Variants in DHX15 observed in about 807,000 individuals in gnomAD.
DHX15 encodes ATP-dependent RNA helicase DHX15.
Under a neutral mutation model 94.4 loss-of-function variants are expected in DHX15, and 11 were observed. The ratio of observed to expected loss-of-function variants is 0.12; its 90% CI spans 0.07 to 0.19. DHX15 has a LOEUF of 0.19. Among genes scored for constraint, DHX15 ranks in the 10% least tolerant of loss-of-function variants. The pLI is 1.00. For missense variants in DHX15, 304 were observed against 988.5 expected (o/e 0.31, Z 9.29); for synonymous variants, 338 against 329.9 (o/e 1.02, Z -0.27).
chr4:24,576,534 A>G lies in DHX15; in HGVS notation c.216T>C (p.Ala72=). Residue 72 remains alanine (A), a synonymous_variant, in exon 2 of 14, where the codon GCT becomes GCC. Coordinates refer to ENST00000336812, the MANE Select transcript of DHX15 (RefSeq NM_001358.3). ...RASTNAMLIS[A]GLPPLKASHS... is the part of the protein sequence containing the mutation. ...GGGAAGCTTTCAAAGGTGGTAATCC[A>G]GCACTGATAAGCATAGCATTTGTTG... 1 of 1,614,194 alleles carries G rather than the reference A, an allele frequency of 6.2e-7. No homozygotes were observed. The highest frequency in any genetic ancestry group is 8.5e-7 in the Non-Finnish European group (1 of 1,180,036).
At chr4:24,528,600 G>A (rs1321217276) in intron 13 of DHX15, among the ~76,000 whole-genome samples, 2 of 152,144 alleles carry the variant, frequency 1.3e-5, no homozygotes, top group Non-Finnish European at 2.9e-5. Context: ...TAAGAAAGCA[G>A]CTGCACAATA....
intron 6 of DHX15, among the ~76,000 whole-genome samples, chr4:24,545,641 C>T (rs527954660): frequency 6.6e-5 from 10 of 152,246 alleles, no homozygotes; most frequent in Middle Eastern, 3.4e-3. Flanking sequence ...AATGCAAAAG[C>T]GAACTAATAA....
chr4:24,536,939 G>T, intron 11 of DHX15, 112 bp downstream of exon 11: 1 of 1,251,532 alleles, frequency 8.0e-7, no homozygotes, highest in Non-Finnish European at 1.1e-6. Flanking sequence ...AAGTACCTCT[G>T]GGTTTCTAAT....
chr4:24,528,683 T>C (rs1050482188), intron 13 of DHX15, among the ~76,000 whole-genome samples: 10 of 152,180 alleles, frequency 6.6e-5, no homozygotes, highest in African/African-American at 2.4e-4. Flanking sequence ...TGTCATAGGT[T>C]ATAGAATAGA....
chr4:24,561,923 A>T (rs2109412401), intron 3 of DHX15, among the ~76,000 whole-genome samples: 1 of 152,240 alleles, frequency 6.6e-6, no homozygotes, highest in African/African-American at 2.4e-5. Context: ...TTGAGGTCAA[A>T]GTTCAAGACC....
intron 6 of DHX15, 118 bp from the exon 7 acceptor site, chr4:24,543,144 G>A (rs1721352612): frequency 1.5e-6 from 1 of 658,842 alleles, no homozygotes; most frequent in Non-Finnish European, 2.5e-6. Context: ...AAATAAACTA[G>A]AAATATCATT....
chr4:24,536,771 G>A (rs751981865), intron 11 of DHX15, among the ~76,000 whole-genome samples: 9 of 152,028 alleles, frequency 5.9e-5, no homozygotes, highest in Non-Finnish European at 8.8e-5. Context: ...ATATAAAAAC[G>A]TGTATGTTAG....
chr4:24,550,822 CATT>C (rs761736464), intron 5 of DHX15, among the ~76,000 whole-genome samples: 4 of 152,170 alleles, frequency 2.6e-5, no homozygotes, highest in Admixed American at 6.5e-5. Flanking sequence ...GTCCTATTAT[CATT>C]ATTATTATGT....
At position 24,554,796 on chromosome 4, in the gene DHX15, G is replaced by T; in HGVS notation, c.1009C>A (p.Arg337=). The T allele has an allele frequency of 6.2e-7, 1 of 1,613,730 alleles. No individual in the cohort carries two copies. The change falls in exon 5 of 14, where the codon CGA becomes AGA. Residue 337 remains arginine (R), a synonymous_variant. Coordinates refer to ENST00000336812, the MANE Select transcript of DHX15 (RefSeq NM_001358.3). ...PERDYLEAAI[R]TVIQIHMCEE... ...CACATATGAATCTGGATAACTGTTC[G>T]AATTGCTGCTTCAAGATAATCTCTC...
At chr4:24,532,836 G>T in intron 12 of DHX15, 28 bp downstream of exon 12, 2 of 1,477,318 alleles carry the variant, frequency 1.4e-6, no homozygotes, top group Non-Finnish European at 1.8e-6. Flanking sequence ...TGAATACTTA[G>T]TTATTCATTC....
chr4:24,559,127 C>T (rs1441718970), intron 3 of DHX15, among the ~76,000 whole-genome samples: 4 of 151,940 alleles, frequency 2.6e-5, no homozygotes, highest in Non-Finnish European at 5.9e-5. Context: ...AGTATCCTTA[C>T]AAAATGTAAA....
At chr4:24,530,235 C>A (rs1270930894) in intron 12 of DHX15, 7 of 187,324 alleles carry the variant, frequency 3.7e-5, no homozygotes, top group African/African-American at 1.7e-4. Flanking sequence ...CCATCTAGAG[C>A]AGGCTCTTCA....
intron 5 of DHX15, among the ~76,000 whole-genome samples, chr4:24,549,247 A>C (rs2109402700): frequency 6.6e-6 from 1 of 152,288 alleles, no homozygotes; most frequent in East Asian, 1.9e-4. Flanking sequence ...TAACTGCCTT[A>C]TTTGCATTCC....
At chr4:24,574,041 CA>C (rs10567935) in intron 2 of DHX15, among the ~76,000 whole-genome samples, 36,738 of 127,576 alleles carry the variant, frequency 0.29, 5,073 homozygotes, top group Non-Finnish European at 0.34. Flanking sequence ...ATTAAAAATA[CA>C]AAAAAAAAAA....
intron 8 of DHX15, among the ~76,000 whole-genome samples, chr4:24,541,511 G>T (rs917275316): frequency 1.3e-5 from 2 of 151,970 alleles, no homozygotes; most frequent in African/African-American, 4.8e-5. Flanking sequence ...CTGAAAGTTA[G>T]TAAGGAAAGA....
At position 24,535,589 on chromosome 4, in the gene DHX15, A is replaced by G. The variant is rs1343777435; in HGVS notation, c.1909+1462T>C. Among the ~76,000 whole-genome samples, 6 of 152,086 alleles carry G rather than the reference A, an allele frequency of 3.9e-5. No homozygotes were observed. The South Asian group carries it at 1.2e-3, about 31-fold the overall frequency. On this transcript the variant is annotated intron_variant, in intron 11 of 13. Coordinates refer to ENST00000336812, the MANE Select transcript of DHX15 (RefSeq NM_001358.3). Reference sequence around the variant, plus strand: ...TGGTTTCATAACCACATTTCCCTTAACTCTCATATCTGCCCCCAAGTTTTC... The same window carrying G: ...TGGTTTCATAACCACATTTCCCTTAGCTCTCATATCTGCCCCCAAGTTTTC...
chr4:24,550,111 A>AAAAAAAC (rs1721558581), intron 5 of DHX15, among the ~76,000 whole-genome samples: 7 of 147,012 alleles, frequency 4.8e-5, no homozygotes, highest in African/African-American at 1.7e-4. Context: ...AAAAAAAAAA[A>AAAAAAAC]AAAAAAAAAA....
chr4:24,540,329 G>A (rs1305128344), intron 9 of DHX15, 30 bp from the exon 10 acceptor site: 17 of 1,567,778 alleles, frequency 1.1e-5, no homozygotes, highest in East Asian at 6.8e-5. Flanking sequence ...TATTAGACAC[G>A]GTGCCTTAAG....
chr4:24,565,105 A>G (rs922983673), intron 3 of DHX15, among the ~76,000 whole-genome samples: 1 of 152,246 alleles, frequency 6.6e-6, no homozygotes, highest in African/African-American at 2.4e-5. Context: ...ATATTCTTTC[A>G]TCCTCAACAG....
Sources: allele counts gnomAD v4.1 joint callset (sites outside exome capture counted in the v4.1 genomes callset), GRCh38; gene constraint gnomAD v4.1.1; transcripts MANE v1.5; gene names NCBI Gene and HGNC (gene_info 2026-07-23, HGNC 2026-07-21).